Variants in SYNE1 observed in about 807,000 individuals in gnomAD.
SYNE1 encodes nesprin-1.
In SYNE1, 616 loss-of-function variants were observed where a neutral mutation model predicts 1,111.0. That is an observed-to-expected ratio of 0.55 (90% CI 0.52 to 0.59). The LOEUF (loss-of-function observed/expected upper bound fraction) is 0.59. Among genes scored for constraint, SYNE1 ranks in the 20% least tolerant of loss-of-function variants. The pLI, the probability that SYNE1 is intolerant of heterozygous loss-of-function variation, is 0.00. For missense variants in SYNE1, 10,006 were observed against 10,417.0 expected, an observed-to-expected ratio of 0.96 and a Z score of 1.72; for synonymous variants, 3,855 against 3,825.8, an observed-to-expected ratio of 1.01 and a Z score of -0.28.
Position 152,407,036 on chromosome 6 carries a change from T to C in SYNE1, c.6701A>G (p.Glu2234Gly), listed in dbSNP as rs771433812. The change falls in exon 45 of 146, where the codon GAA (glutamate) becomes GGA (glycine). Residue 2234 changes from glutamate (E) to glycine (G), a missense_variant. Coordinates refer to ENST00000367255, the MANE Select transcript of SYNE1 (RefSeq NM_182961.4). ...ISNLDNHLRAEELLKEFESEV... is the reference protein window; with the variant it reads ...ISNLDNHLRAGELLKEFESEV... The stretch of plus-strand genomic sequence containing the variant: ...TACCTCAAATTCTTTAAGCAGTTCT[T>C]CAGCTCTGAGGTGGTTATCCAGGTT... 1 of 1,613,978 alleles carries C rather than the reference T, an allele frequency of 6.2e-7. No homozygotes were observed. Among genetic ancestry groups the C allele is most frequent in the Admixed American group, 1.7e-5 (1 of 60,010 alleles).
Position 152,461,660 on chromosome 6 carries a change from G to A in SYNE1, c.2331C>T (p.Ser777=), listed in dbSNP as rs1488926009. The A allele has an allele frequency of 1.9e-6, 3 of 1,613,766 alleles. No individual in the cohort carries two copies. The Admixed American group carries it at 5.0e-5, about 27-fold the overall frequency. The part of the protein sequence containing the change: ...TKTAHLITKE[S]PQEEGKEMFA... The stretch of plus-strand genomic sequence containing the variant: ...ACATTTCTTTTCCTTCTTCTTGGGG[G>A]CTTTCTTTGGTAATGAGGTGTGCTG... Residue 777 remains serine, a synonymous_variant, in exon 21 of 146, where the codon AGC becomes AGT. Coordinates refer to ENST00000367255, the MANE Select transcript of SYNE1 (RefSeq NM_182961.4).
chr6:152,375,517 C>G (rs2097264445), intron 58 of SYNE1, among the ~76,000 whole-genome samples: 1 of 152,076 alleles, frequency 6.6e-6, no homozygotes, highest in African/African-American at 2.4e-5. Flanking sequence ...AATAACTGTG[C>G]TTAAAAAGTG....
At chr6:152,156,938 C>A (rs2061495221) in intron 131 of SYNE1, among the ~76,000 whole-genome samples, 1 of 152,116 alleles carries the variant, frequency 6.6e-6, no homozygotes, top group Non-Finnish European at 1.5e-5. Context: ...AGTGATTTTC[C>A]TGCCTCAGCC....
intron 129 of SYNE1, among the ~76,000 whole-genome samples, chr6:152,179,739 C>A (rs970764091): frequency 1.9e-4 from 22 of 118,112 alleles, no homozygotes; most frequent in Admixed American, 3.7e-4. Context: ...GGCTGGAGTG[C>A]AGTGGCACGA....
At chr6:152,633,300 T>C (rs187423586) in intron 2 of SYNE1, among the ~76,000 whole-genome samples, 220 of 152,294 alleles carry the variant, frequency 1.4e-3, no homozygotes, top group Non-Finnish European at 1.6e-3. Context: ...AAGATTATGA[T>C]GCAGCTAAAT....
rs115535983 is a variant in SYNE1 at position 152,331,131 on chromosome 6, G to A, written c.13554C>T (p.Arg4518=). 86 of 1,613,986 alleles carry A rather than the reference G, an allele frequency of 5.3e-5. 1 individual carries two copies. The African/African-American group carries it at 5.6e-4, about 11-fold the overall frequency. ...GCTCTGTGACTTCCTTCATTAGTTC[G>A]CGACCCTGGGCCCAAAGTCCAGTGA... ...NEVTGLWAQG[R]ELMKEVTEQE... The change falls in exon 78 of 146, where the codon CGC becomes CGT. Residue 4518 remains arginine, a synonymous_variant. Transcript: ENST00000367255.
Position 152,192,289 on chromosome 6 carries a change from G to A in SYNE1, c.23146-2882C>T, listed in dbSNP as rs190789580. On this transcript the variant is annotated intron_variant, in intron 127 of 145. Coordinates refer to ENST00000367255, the MANE Select transcript of SYNE1 (RefSeq NM_182961.4). ...TGGTCTGCAGTGCAGATTAACTCCA[G>A]TGTTTTTTTGTTTATTTTCTGTCTG... Among the ~76,000 whole-genome samples the A allele has an allele frequency of 2.5e-3, 280 of 111,218 alleles. 1 individual carries two copies. Among genetic ancestry groups the A allele is most frequent in the African/African-American group, 9.3e-3 (263 of 28,270 alleles). The allele number at this position is 111,218 out of a possible 152,430, so 73.0% of individuals were successfully genotyped here. A position where few individuals can be genotyped will look rare whatever the true frequency, so the allele number is the denominator to read the frequency against.
chr6:152,123,937 G>T (rs2052389149), intron 145 of SYNE1, among the ~76,000 whole-genome samples: 1 of 152,164 alleles, frequency 6.6e-6, no homozygotes, highest in South Asian at 2.1e-4. Context: ...GATGCGGAGT[G>T]ACACCTAAGA....
chr6:152,130,799 G>A (rs779535025), intron 144 of SYNE1, 21 bp from the exon 145 acceptor site: 2 of 1,613,694 alleles, frequency 1.2e-6, no homozygotes, highest in Non-Finnish European at 1.7e-6. Flanking sequence ...TGAACAGGGG[G>A]TAAAGAAAGA....
chr6:152,333,756 C>T (rs1025569411), intron 77 of SYNE1, among the ~76,000 whole-genome samples: 6 of 152,042 alleles, frequency 3.9e-5, no homozygotes, highest in Non-Finnish European at 8.8e-5. Context: ...CCTCAGCCTC[C>T]GAAGTAGCTG....
chr6:152,625,759 G>A (rs543008121), intron 3 of SYNE1, among the ~76,000 whole-genome samples: 171 of 152,130 alleles, frequency 1.1e-3, no homozygotes, highest in African/African-American at 4.0e-3. Context: ...CCAAAAATCC[G>A]GATAGTTAGA....
chr6:152,212,804 C>T (rs2077775986), intron 123 of SYNE1, among the ~76,000 whole-genome samples: 1 of 152,092 alleles, frequency 6.6e-6, no homozygotes, highest in Admixed American at 6.5e-5. Context: ...GTTATTTTTT[C>T]ATTATAGTCA....
chr6:152,412,751 A>C (rs1470498313), intron 42 of SYNE1, among the ~76,000 whole-genome samples: 2 of 108,052 alleles, frequency 1.9e-5, no homozygotes, highest in Admixed American at 1.6e-4. Context: ...AAACAAGTAC[A>C]ACAAAACAAA....
At chr6:152,411,775 G>A (rs1592151112) in intron 42 of SYNE1, among the ~76,000 whole-genome samples, 1 of 150,210 alleles carries the variant, frequency 6.7e-6, no homozygotes, top group Non-Finnish European at 1.5e-5. Flanking sequence ...CTAGCAGAAT[G>A]TCAACCAAGC....
intron 67 of SYNE1, 139 bp from the exon 68 acceptor site, chr6:152,353,883 T>C (rs1356565958): frequency 5.8e-6 from 6 of 1,040,282 alleles, no homozygotes; most frequent in Non-Finnish European, 8.7e-6. Context: ...AAATGCCATA[T>C]GTTATCTTCA....
chr6:152,557,228 G>A (rs1195266012), intron 3 of SYNE1, among the ~76,000 whole-genome samples: 1 of 152,008 alleles, frequency 6.6e-6, no homozygotes, highest in Non-Finnish European at 1.5e-5. Context: ...GAATCAGAAA[G>A]CTTGAAGACA....
rs776651631 is a variant in SYNE1 at position 152,387,022 on chromosome 6, T to C, written c.8487+50A>G. 3.5e-6 allele frequency: 5 copies of C among 1,427,054 alleles called. No homozygotes were observed. In the South Asian group the frequency reaches 5.4e-5, roughly 15 times the overall value. The allele number at this position is 1,427,054 out of a possible 1,614,324, so 88.4% of individuals were successfully genotyped here. ...ATTATATTATTAATATAAATCAATA[T>C]ATTGTATTAATGTATTATAAAGCAT... On this transcript the variant is annotated intron_variant, in intron 54 of 145. Coordinates refer to ENST00000367255, the MANE Select transcript of SYNE1 (RefSeq NM_182961.4).
chr6:152,234,723 G>A lies in SYNE1; in HGVS notation c.20474C>T (p.Ser6825Phe). The change falls in exon 111 of 146, where the codon TCT (serine) becomes TTT (phenylalanine). Residue 6825 changes from serine (S) to phenylalanine (F), a missense_variant. Ser to Phe is a radical substitution (Grantham distance 155, BLOSUM62 -2). This residue lies in a region of SYNE1 where 2,182 missense variants were observed against 2,287.8 expected (regional missense o/e 0.95). Coordinates refer to ENST00000367255, the MANE Select transcript of SYNE1 (RefSeq NM_182961.4). ...TTCCAGCTCTTGTGGGACTGTCACAGATTGCTGAGTCCAAAATTCTAGCCG... is the reference window on the plus strand; with the variant it reads ...TTCCAGCTCTTGTGGGACTGTCACAAATTGCTGAGTCCAAAATTCTAGCCG... ...KDRLEFWTQQ[S>F]VTVPQELEMV... 2 of 1,614,218 alleles carry A rather than the reference G, an allele frequency of 1.2e-6. No homozygotes were observed. The highest frequency in any genetic ancestry group is 1.7e-6 in the Non-Finnish European group (2 of 1,180,036).
At chr6:152,186,957 C>T (rs529906012) in intron 128 of SYNE1, among the ~76,000 whole-genome samples, 1 of 152,248 alleles carries the variant, frequency 6.6e-6, no homozygotes, top group South Asian at 2.1e-4. Flanking sequence ...CTTTACATTG[C>T]AAAATTATAG....
Sources: gnomAD v4.1 joint callset for allele counts (sites outside exome capture counted in the v4.1 genomes callset) on GRCh38, gnomAD v4.1.1 for gene constraint, gnomAD v4.1.1 regional missense constraint, MANE v1.5 for transcripts, NCBI Gene and HGNC (gene_info 2026-07-23, HGNC 2026-07-21) for gene names.